TJP2: variants seen among roughly 807,000 people sequenced by gnomAD.
The protein encoded by TJP2 is tight junction protein 2.
In TJP2, 91 loss-of-function variants were observed where a neutral mutation model predicts 133.1. The observed-to-expected ratio is 0.68, with a 90% confidence interval of 0.58 to 0.81. TJP2 has a LOEUF of 0.81. Ranked by LOEUF, TJP2 falls within the 40% of genes least tolerant of loss-of-function variation. The pLI is 0.00. For synonymous variants in TJP2, 592 were observed against 583.4 expected, an observed-to-expected ratio of 1.01 and a Z score of -0.21; for missense variants, 1,541 against 1,565.6, an observed-to-expected ratio of 0.98 and a Z score of 0.26.
In TJP2 at chr9:69,189,676, AGAC is replaced by A. The variant is rs1442014940; in HGVS notation, c.60+15245_60+15247del. Among the ~76,000 whole-genome samples the A allele has an allele frequency of 9.3e-4, 42 of 45,382 alleles. 9 individuals are homozygous for A. The highest frequency in any genetic ancestry group is 1.9e-3 in the Non-Finnish European group (34 of 18,208). The allele number at this position is 45,382 out of a possible 152,430, so 29.8% of individuals were successfully genotyped here. A position where few individuals can be genotyped will look rare whatever the true frequency, so the allele number is the denominator to read the frequency against. On this transcript the variant is annotated intron_variant, in intron 1 of 22. Transcript: ENST00000377245. ...GTTTAAAAAAGTTAAAAAAAAAAAA[AGAC>A]AAAGAAAAAGGAAAGTTGATTTTTG...
rs1060499649 is a variant in TJP2 at position 69,226,175 on chromosome 9, G to A, written c.1210G>A (p.Asp404Asn). 4 of 1,613,962 alleles carry A rather than the reference G, an allele frequency of 2.5e-6. No individual in the cohort carries two copies. The highest frequency in any genetic ancestry group is 3.4e-6 in the Non-Finnish European group (4 of 1,179,988). ...AAATGACAGTGACTCAGAAATAGAAGGTAAAGGAAGAGGAGGCTGTGAGCT... is the reference window on the plus strand; with the variant it reads ...AAATGACAGTGACTCAGAAATAGAAAGTAAAGGAAGAGGAGGCTGTGAGCT... Reference protein sequence around the residue: ...SLNDSDSEIEDISEIESNRSF... With the variant: ...SLNDSDSEIENISEIESNRSF... Residue 404 changes from aspartate to asparagine, a missense_variant and splice_region_variant, in exon 7 of 23, where the codon GAT becomes AAT. Asp to Asn is a conservative substitution (Grantham distance 23, BLOSUM62 1). Coordinates refer to ENST00000377245, the MANE Select transcript of TJP2 (RefSeq NM_004817.4).
At chr9:69,157,039 G>A (rs1458188924) in intron 2 of TJP2, among the ~76,000 whole-genome samples, 2 of 152,132 alleles carry the variant, frequency 1.3e-5, no homozygotes, top group African/African-American at 2.4e-5. Context: ...TAATATTGGA[G>A]GGGTATGATG....
chr9:69,215,889 A>G (rs1828332854), intron 2 of TJP2, among the ~76,000 whole-genome samples: 1 of 152,206 alleles, frequency 6.6e-6, no homozygotes. Context: ...GCAACAGATC[A>G]AAACTCTGTC....
intron 17 of TJP2, 131 bp from the exon 18 acceptor site, chr9:69,246,559 T>C (rs1830940340): frequency 1.3e-6 from 1 of 776,974 alleles, no homozygotes; most frequent in Non-Finnish European, 2.2e-6. Context: ...TATTCAAAGA[T>C]GTGCAAACAT....
At chr9:69,173,390 GGAGGA>G (rs1384704021), upstream of TJP2, among the ~76,000 whole-genome samples, 1 of 152,144 alleles carries the variant, frequency 6.6e-6, no homozygotes, top group Non-Finnish European at 1.5e-5. Context: ...CTTTGCACAT[GGAGGA>G]CTTCGAAAGG....
At chr9:69,211,441 G>A (rs975301941) in intron 1 of TJP2, among the ~76,000 whole-genome samples, 3 of 152,208 alleles carry the variant, frequency 2.0e-5, no homozygotes, top group African/African-American at 7.2e-5. Flanking sequence ...TGATTCTTCA[G>A]TTTATGTTTC....
At position 69,249,493 on chromosome 9, in the gene TJP2, G is replaced by T. The variant is rs371110925; in HGVS notation, c.2991+8G>T. 6.3e-7 allele frequency: 1 copy of T among 1,596,982 alleles called. No homozygotes were observed. The highest frequency in any genetic ancestry group is 2.3e-5 in the East Asian group (1 of 44,220). On this transcript the variant is annotated splice_region_variant and intron_variant, in intron 20 of 22. Transcript: ENST00000377245. ...AAGCCAGAGCCGCCCAAGGTACGTGGCTGGGAAGCCCAGGATGGGAAGGAA... is the reference window on the plus strand; with the variant it reads ...AAGCCAGAGCCGCCCAAGGTACGTGTCTGGGAAGCCCAGGATGGGAAGGAA...
chr9:69,174,337 C>A lies in TJP2; in HGVS notation c.-36C>A, dbSNP rs573198051. On this transcript the variant is annotated 5_prime_UTR_variant, in exon 1 of 23. Transcript: ENST00000377245. Reference sequence around the variant, plus strand: ...GCAGGAGCAGAAGCAGAAGCGGGGTCCGGAGCTGCGCGCCTACGCGGGACC... The same window carrying A: ...GCAGGAGCAGAAGCAGAAGCGGGGTACGGAGCTGCGCGCCTACGCGGGACC... The A allele has an allele frequency of 1.9e-5, 30 of 1,551,032 alleles. No homozygotes were observed. In the East Asian group the frequency reaches 5.6e-4, roughly 29 times the overall value.
intron 1 of TJP2, among the ~76,000 whole-genome samples, chr9:69,200,390 T>G (rs1826900920): frequency 6.6e-6 from 1 of 151,702 alleles, no homozygotes; most frequent in Non-Finnish European, 1.5e-5. Context: ...TGTGGTTTTT[T>G]ACACCTTTTT....
At chr9:69,253,670 C>G in intron 22 of TJP2, 1 of 184,924 alleles carries the variant, frequency 5.4e-6, no homozygotes, top group Non-Finnish European at 1.1e-5. Flanking sequence ...CCAGGCTGGT[C>G]TCAAACTCCT....
chr9:69,175,741 G>C (rs1368429418), intron 1 of TJP2, among the ~76,000 whole-genome samples: 2 of 152,160 alleles, frequency 1.3e-5, no homozygotes, highest in South Asian at 4.1e-4. Context: ...TCCTCATTGT[G>C]GGGAGATGGC....
At chr9:69,248,368 TCCA>T in intron 19 of TJP2, 144 bp downstream of exon 19, 1 of 1,446,696 alleles carries the variant, frequency 6.9e-7, no homozygotes, top group South Asian at 1.5e-5. Flanking sequence ...TCGCTTTGAG[TCCA>T]CGCTGGCATG....
At chr9:69,229,963 C>A in intron 10 of TJP2, 119 bp from the exon 11 acceptor site, 3 of 1,319,324 alleles carry the variant, frequency 2.3e-6, no homozygotes, top group Non-Finnish European at 3.2e-6. Context: ...AATGAGAGGG[C>A]TTTGTAAACT....
At chr9:69,136,753 G>A (rs780522025) in intron 1 of TJP2, among the ~76,000 whole-genome samples, 8 of 152,084 alleles carry the variant, frequency 5.3e-5, no homozygotes, top group Admixed American at 3.3e-4. Context: ...GGAGGACAGC[G>A]GCCCTTTGGT....
intron 1 of TJP2, among the ~76,000 whole-genome samples, chr9:69,189,633 CT>C (rs57985835): frequency 0.051 from 3,094 of 61,104 alleles, 691 homozygotes; most frequent in East Asian, 0.092. Flanking sequence ...GGAGACTCCA[CT>C]TTTTTTTTTT....
At chr9:69,215,986 C>A (rs143996799) in intron 2 of TJP2, among the ~76,000 whole-genome samples, 2 of 152,208 alleles carry the variant, frequency 1.3e-5, no homozygotes, top group Non-Finnish European at 2.9e-5. Context: ...GTTGTTCCAG[C>A]TCGGGCCAGC....
intron 1 of TJP2, among the ~76,000 whole-genome samples, chr9:69,122,578 C>T (rs1412333480): frequency 3.3e-5 from 5 of 152,312 alleles, no homozygotes; most frequent in Non-Finnish European, 5.9e-5. Context: ...TTGCAAGGTT[C>T]TTCTATAGGG....
At chr9:69,174,473 T>TGAGCGC (rs1376171279) in intron 1 of TJP2, 41 bp downstream of exon 1, 1 of 1,530,926 alleles carries the variant, frequency 6.5e-7, no homozygotes, top group Non-Finnish European at 8.8e-7. Context: ...AGGAGGGTCG[T>TGAGCGC]GAGCGTGAGC....
intron 1 of TJP2, chr9:69,205,379 G>A: frequency 6.8e-7 from 1 of 1,460,922 alleles, no homozygotes; most frequent in South Asian, 1.4e-5. Flanking sequence ...TTGTGAGATT[G>A]TAGGTTGTAG....
Sources: gnomAD v4.1 joint callset for allele counts (sites outside exome capture counted in the v4.1 genomes callset) on GRCh38, gnomAD v4.1.1 for gene constraint, MANE v1.5 for transcripts, NCBI Gene and HGNC (gene_info 2026-07-23, HGNC 2026-07-21) for gene names.